The following CNIH4 variants were observed in gnomAD, a reference collection of about 807,000 sequenced individuals.
CNIH4 encodes the protein protein cornichon homolog 4.
A neutral mutation model predicts 21.5 loss-of-function variants in CNIH4; 9 were observed. That is an observed-to-expected ratio of 0.42 (90% CI 0.25 to 0.73). The LOEUF (loss-of-function observed/expected upper bound fraction) is 0.73. Among genes scored for constraint, CNIH4 ranks in the 30% least tolerant of loss-of-function variants. The pLI is 0.27. For synonymous variants in CNIH4, 67 were observed against 59.1 expected, an observed-to-expected ratio of 1.13 and a Z score of -0.61; for missense variants, 159 against 170.0, an observed-to-expected ratio of 0.94 and a Z score of 0.36.
Position 224,376,323 on chromosome 1 carries a change from C to G in CNIH4, c.*501C>G. The G allele has an allele frequency of 1.0e-6, 1 of 985,432 alleles. No homozygotes were observed. The highest frequency in any genetic ancestry group is 1.2e-6 in the Non-Finnish European group (1 of 829,928). The allele number at this position is 985,432 out of a possible 1,614,324, so 61.0% of individuals were successfully genotyped here. On this transcript the variant is annotated 3_prime_UTR_variant, in exon 5 of 5. Transcript: ENST00000465271. ...ATTTATGAGACTGTCAGCTAAAAGT[C>G]TTTTCACAAGAATGTCAACAGAGAA...
intron 2 of CNIH4, among the ~76,000 whole-genome samples, chr1:224,363,186 A>G (rs113864189): frequency 0.076 from 11,522 of 152,190 alleles, 1,398 homozygotes; most frequent in African/African-American, 0.26. Context: ...CTGGGATTAC[A>G]GGGGTGTGCC....
intron 2 of CNIH4, 57 bp from the exon 3 acceptor site, chr1:224,365,822 A>G (rs1235411231): frequency 7.0e-6 from 7 of 1,004,088 alleles, no homozygotes; most frequent in Admixed American, 1.7e-5. Context: ...TTCAAATAAC[A>G]TGTACAGTCA....
Position 224,376,765 on chromosome 1 carries a change from C to T in CNIH4, c.*943C>T. On this transcript the variant is annotated 3_prime_UTR_variant, in exon 5 of 5. Coordinates refer to ENST00000465271, the MANE Select transcript of CNIH4 (RefSeq NM_014184.4). Reference sequence around the variant, plus strand: ...GCCATTTCATGGACATAGCAATATACAACCAAACTCTGTTCCTTGGAGTTA... The same window carrying T: ...GCCATTTCATGGACATAGCAATATATAACCAAACTCTGTTCCTTGGAGTTA... 7.1e-6 allele frequency: 7 copies of T among 984,412 alleles called. No individual in the cohort carries two copies. Among genetic ancestry groups the T allele is most frequent in the Non-Finnish European group, 8.4e-6 (7 of 829,632 alleles). 61.0% of individuals were successfully genotyped at this position (984,412 alleles called of 1,614,324 possible). A position where few individuals can be genotyped will look rare whatever the true frequency, so the allele number is the denominator to read the frequency against.
rs960945389 is a variant in CNIH4 at position 224,379,123 on chromosome 1, G to A, written c.*3301G>A. ...AACCTCGGCTGAGAAAGAAGAGGAAGCGAAATCCAAGATGCAGCTCAGTTC... is the reference window on the plus strand; with the variant it reads ...AACCTCGGCTGAGAAAGAAGAGGAAACGAAATCCAAGATGCAGCTCAGTTC... On this transcript the variant is annotated 3_prime_UTR_variant, in exon 5 of 5. Transcript: ENST00000465271. 3.9e-6 allele frequency: 6 copies of A among 1,550,116 alleles called. No homozygotes were observed. Among genetic ancestry groups the A allele is most frequent in the Non-Finnish European group, 5.2e-6 (6 of 1,146,662 alleles).
chr1:224,375,670 A>T (rs139634403), intron 4 of CNIH4, 125 bp from the exon 5 acceptor site: 3 of 1,031,682 alleles, frequency 2.9e-6, no homozygotes, highest in African/African-American at 3.2e-5. Context: ...TTTGGGTATG[A>T]ATGATTGTCT....
chr1:224,371,802 C>T (rs61301330), intron 4 of CNIH4, among the ~76,000 whole-genome samples: 4 of 152,238 alleles, frequency 2.6e-5, no homozygotes, highest in East Asian at 3.9e-4. Context: ...ATTAGGTGGG[C>T]GTGGTGGCAC....
chr1:224,373,160 A>G (rs771129244), intron 4 of CNIH4, among the ~76,000 whole-genome samples: 1 of 152,204 alleles, frequency 6.6e-6, no homozygotes, highest in African/African-American at 2.4e-5. Flanking sequence ...TCTTAATCCA[A>G]GTATCAAAGA....
At chr1:224,372,307 T>C (rs534996944) in intron 4 of CNIH4, among the ~76,000 whole-genome samples, 33 of 152,318 alleles carry the variant, frequency 2.2e-4, no homozygotes, top group Middle Eastern at 6.8e-3. Flanking sequence ...ACCTTTTCCT[T>C]TATCCATCAT....
intron 4 of CNIH4, among the ~76,000 whole-genome samples, chr1:224,372,946 C>T (rs1301513416): frequency 2.6e-5 from 4 of 152,236 alleles, no homozygotes; most frequent in Non-Finnish European, 5.9e-5. Flanking sequence ...ATTTTAGCCT[C>T]TTCCTGACAA....
Position 224,376,742 on chromosome 1 carries a change from C to T in CNIH4, c.*920C>T. 1.0e-6 allele frequency: 1 copy of T among 985,422 alleles called. No homozygotes were observed. The highest frequency in any genetic ancestry group is 1.2e-6 in the Non-Finnish European group (1 of 829,954). The allele number at this position is 985,422 out of a possible 1,614,324, so 61.0% of individuals were successfully genotyped here. On this transcript the variant is annotated 3_prime_UTR_variant, in exon 5 of 5. Transcript: ENST00000465271. Reference sequence around the variant, plus strand: ...GTGAACTGGGAGACCAAATGCAAGCCATTTCATGGACATAGCAATATACAA... The same window carrying T: ...GTGAACTGGGAGACCAAATGCAAGCTATTTCATGGACATAGCAATATACAA...
chr1:224,359,282 C>G (rs948941273), intron 1 of CNIH4, among the ~76,000 whole-genome samples: 1 of 151,996 alleles, frequency 6.6e-6, no homozygotes, highest in African/African-American at 2.4e-5. Context: ...ATGAATCTGC[C>G]GAGTGGGTTG....
rs1340826789 is a variant in CNIH4, at chr1:224,377,488, T to A, written c.*1666T>A. 2.1e-5 allele frequency: 2 copies of A among 95,612 alleles called. No homozygotes were observed. The highest frequency in any genetic ancestry group is 7.2e-5 in the African/African-American group (2 of 27,630). The allele number at this position is 95,612 out of a possible 1,614,324, so 5.9% of individuals were successfully genotyped here. On this transcript the variant is annotated 3_prime_UTR_variant, in exon 5 of 5. Coordinates refer to ENST00000465271, the MANE Select transcript of CNIH4 (RefSeq NM_014184.4). ...AGCTACTTAAAGGCGGTAGAGATCT[T>A]TTTTTTTTTTTTTTTGAGATGGGGT...
intron 4 of CNIH4, among the ~76,000 whole-genome samples, chr1:224,374,200 A>G (rs994016260): frequency 2.6e-5 from 4 of 152,318 alleles, no homozygotes; most frequent in Middle Eastern, 3.4e-3. Context: ...ATTTTATGCT[A>G]CTTGTCTTTG....
chr1:224,371,123 T>A lies in CNIH4; in HGVS notation c.252-160T>A, dbSNP rs147664172. Among the ~76,000 whole-genome samples the A allele has an allele frequency of 7.6e-3, 1,153 of 152,266 alleles. 5 individuals carry two copies. Among genetic ancestry groups the A allele is most frequent in the Non-Finnish European group, 0.011 (730 of 68,026 alleles). ...AACTCCTGACCTCAGGTGATCCACC[T>A]GCCTTGGCCTGCCAAAGTGCTGGGA... On this transcript the variant is annotated intron_variant, in intron 3 of 4. Coordinates refer to ENST00000465271, the MANE Select transcript of CNIH4 (RefSeq NM_014184.4).
chr1:224,359,710 A>G (rs947445166), intron 1 of CNIH4, among the ~76,000 whole-genome samples: 1 of 151,848 alleles, frequency 6.6e-6, no homozygotes. Flanking sequence ...AACTGAGACT[A>G]CAAGTGCCTA....
intron 1 of CNIH4, among the ~76,000 whole-genome samples, chr1:224,360,065 G>A (rs1051870532): frequency 7.2e-5 from 11 of 152,050 alleles, no homozygotes; most frequent in Non-Finnish European, 1.6e-4. Flanking sequence ...GAACCCAGGA[G>A]GCAGGGGTAG....
rs1672808389 is a variant in CNIH4, at chr1:224,377,317, C to G, written c.*1495C>G. 1 of 152,182 alleles carries G rather than the reference C, an allele frequency of 6.6e-6. No homozygotes were observed. The highest frequency in any genetic ancestry group is 6.5e-5 in the Admixed American group (1 of 15,268). The allele number at this position is 152,182 out of a possible 1,614,324, so 9.4% of individuals were successfully genotyped here. ...CTTTGCTTGCATCTCTTTTTCATAC[C>G]TTTTCCCTCTGAGGCAGCTTTTGCT... On this transcript the variant is annotated 3_prime_UTR_variant, in exon 5 of 5. Transcript: ENST00000465271.
At position 224,375,803 on chromosome 1, in the gene CNIH4, T is replaced by C; in HGVS notation, c.401T>C (p.Leu134Ser). 7 of 1,614,164 alleles carry C rather than the reference T, an allele frequency of 4.3e-6. No homozygotes were observed. The highest frequency in any genetic ancestry group is 5.1e-6 in the Non-Finnish European group (6 of 1,180,008). The change falls in exon 5 of 5, where the codon TTA (leucine) becomes TCA (serine). Residue 134 changes from leucine (L) to serine (S), a missense_variant. By Grantham distance (145) the Leu-to-Ser change is moderately radical (BLOSUM62 -2). Transcript: ENST00000465271. ...ATTTCTTCTTTCCACAGTATGATCTTAGCTTTGATAAATGACTGAAGCTGG... is the reference window on the plus strand; with the variant it reads ...ATTTCTTCTTTCCACAGTATGATCTCAGCTTTGATAAATGACTGAAGCTGG... Reference protein sequence around the residue: ...CFFMYLYSMILALIND With the variant: ...CFFMYLYSMISALIND
chr1:224,359,395 A>G (rs1222889164), intron 1 of CNIH4, among the ~76,000 whole-genome samples: 1 of 152,184 alleles, frequency 6.6e-6, no homozygotes, highest in East Asian at 1.9e-4. Context: ...TGTGAGTAGT[A>G]TTTAGAAGAA....
Sources: allele counts gnomAD v4.1 joint callset (sites outside exome capture counted in the v4.1 genomes callset), GRCh38; gene constraint gnomAD v4.1.1; transcripts MANE v1.5; gene names NCBI Gene and HGNC (gene_info 2026-07-23, HGNC 2026-07-21).